Variants in MFRP observed in about 807,000 individuals in gnomAD.
MFRP encodes membrane frizzled-related protein.
Under a neutral mutation model 65.8 loss-of-function variants are expected in MFRP, and 74 were observed. That is an observed-to-expected ratio of 1.12 (90% CI 0.93 to 1.36). The LOEUF (loss-of-function observed/expected upper bound fraction) is 1.36. Ranked by LOEUF, MFRP falls within the 40% of genes most tolerant of loss-of-function variation. The pLI, the probability that MFRP is intolerant of heterozygous loss-of-function variation, is 0.00. For synonymous variants in MFRP, 336 were observed against 288.3 expected, an observed-to-expected ratio of 1.17 and a Z score of -1.68; for missense variants, 838 against 736.0, an observed-to-expected ratio of 1.14 and a Z score of -1.60.
In MFRP at chr11:119,345,580, G is replaced by A; in HGVS notation, c.481C>T (p.Pro161Ser). The A allele has an allele frequency of 6.2e-7, 1 of 1,613,934 alleles. No homozygotes were observed. The highest frequency in any genetic ancestry group is 1.7e-5 in the Admixed American group (1 of 60,026). ...TGGGTGTTGGGGGGGTAAGGGTCTG[G>A]GTAGTTAGGGCTGCTGAAGAAGCCC... ...PRGFFSSPNY[P>S]DPYPPNTHCV... Residue 161 changes from proline (P) to serine (S), a missense_variant, in exon 5 of 15, where the codon CCA (proline) becomes TCA (serine). By Grantham distance (74) the Pro-to-Ser change is moderately conservative (BLOSUM62 -1). Transcript: ENST00000619721.
At position 119,344,722 on chromosome 11, in the gene MFRP, G is replaced by T. The variant is rs1349522961; in HGVS notation, c.808C>A (p.Leu270Ile). ...CAHDEFRCDQLICLLPDSVCD... is the reference protein window; with the variant it reads ...CAHDEFRCDQIICLLPDSVCD... ...ACTGAGTCAGGTAGCAGGCAGATGA[G>T]CTGGTCACAGCGGAACTCATCATGG... Residue 270 changes from leucine to isoleucine, a missense_variant, in exon 7 of 15, where the codon CTC becomes ATC. By Grantham distance (5) the Leu-to-Ile change is conservative (BLOSUM62 2). Coordinates refer to ENST00000619721, the MANE Select transcript of MFRP (RefSeq NM_031433.4). The T allele has an allele frequency of 1.2e-6, 2 of 1,614,038 alleles. No individual in the cohort carries two copies. The highest frequency in any genetic ancestry group is 1.7e-6 in the Non-Finnish European group (2 of 1,180,006).
Position 119,338,951 on chromosome 11 carries a change from T to G in MFRP, c.*2008A>C. On this transcript the variant is annotated 3_prime_UTR_variant, in exon 15 of 15. Transcript: ENST00000619721. The stretch of plus-strand genomic sequence containing the variant: ...AGGCTGGAGCCGGTAGGAGGGTTCT[T>G]AGGTTTATTGAGTGATCTCTGAGAA... 1 of 183,190 alleles carries G rather than the reference T, an allele frequency of 5.5e-6. No homozygotes were observed. Among genetic ancestry groups the G allele is most frequent in the Non-Finnish European group, 1.1e-5 (1 of 88,040 alleles). 11.3% of individuals were successfully genotyped at this position (183,190 alleles called of 1,614,324 possible).
rs557131772 is a variant in MFRP, at chr11:119,345,020, T to C, written c.642-16A>G. The C allele has an allele frequency of 1.6e-4, 251 of 1,598,472 alleles. No individual in the cohort carries two copies. The highest frequency in any genetic ancestry group is 6.6e-4 in the Middle Eastern group (4 of 6,032). On this transcript the variant is annotated splice_polypyrimidine_tract_variant and intron_variant, in intron 5 of 14. Transcript: ENST00000619721. ...TCCACAAACCCTGCAAGAAGCCAGGTTGGGGGTGAGGGAGGCTCCAAGAGC... is the reference window on the plus strand; with the variant it reads ...TCCACAAACCCTGCAAGAAGCCAGGCTGGGGGTGAGGGAGGCTCCAAGAGC...
chr11:119,339,349 G>C lies in MFRP; in HGVS notation c.*1610C>G. On this transcript the variant is annotated 3_prime_UTR_variant, in exon 15 of 15. Transcript: ENST00000619721. The surrounding 1 kb of genome is among the most constrained non-coding windows in gnomAD (Gnocchi z 5.4). ...GTGGGCACTAAGCAAAGACTGGGGA[G>C]CTGTGCCAGTCGGAGTACACCAGAA... 6.2e-7 allele frequency: 1 copy of C among 1,613,016 alleles called. No homozygotes were observed. Among genetic ancestry groups the C allele is most frequent in the Non-Finnish European group, 8.5e-7 (1 of 1,179,336 alleles).
At chr11:119,342,016 G>T in intron 11 of MFRP, 32 bp from the exon 12 acceptor site, 1 of 1,612,234 alleles carries the variant, frequency 6.2e-7, no homozygotes, top group East Asian at 2.2e-5. Context: ...CCACTGTGGG[G>T]ACTGCTCACT....
In MFRP at chr11:119,346,265, T is replaced by C. The variant is rs150062629; in HGVS notation, c.157+7A>G. 1.2e-4 allele frequency: 195 copies of C among 1,609,636 alleles called. 1 individual carries two copies. The African/African-American group carries it at 2.3e-3, about 19-fold the overall frequency. Reference sequence around the variant, plus strand: ...TCCTCCCCCAGGTCACCCCCTGGGATGGTTACCATGCCAGGGAGCTGGGAC... The same window carrying C: ...TCCTCCCCCAGGTCACCCCCTGGGACGGTTACCATGCCAGGGAGCTGGGAC... On this transcript the variant is annotated splice_region_variant and intron_variant, in intron 2 of 14. Transcript: ENST00000619721.
In MFRP at chr11:119,340,332, G is replaced by C. The variant is rs761587369; in HGVS notation, c.*962C>G. Reference sequence around the variant, plus strand: ...GCCCCGGGCAGAGGCTGGGGATCTTGTTGTCGTCCAGTGGGGGCGAGCCGG... The same window carrying C: ...GCCCCGGGCAGAGGCTGGGGATCTTCTTGTCGTCCAGTGGGGGCGAGCCGG... On this transcript the variant is annotated 3_prime_UTR_variant, in exon 14 of 15. Coordinates refer to ENST00000619721, the MANE Select transcript of MFRP (RefSeq NM_031433.4). 3.9e-6 allele frequency: 6 copies of C among 1,543,190 alleles called. No individual in the cohort carries two copies. Among genetic ancestry groups the C allele is most frequent in the Admixed American group, 2.0e-5 (1 of 50,728 alleles).
Position 119,339,852 on chromosome 11 carries a change from C to T in MFRP, c.*1111-4G>A, listed in dbSNP as rs376239020. 6.1e-6 allele frequency: 9 copies of T among 1,467,184 alleles called. No individual in the cohort carries two copies. Among genetic ancestry groups the T allele is most frequent in the Middle Eastern group, 2.4e-4 (1 of 4,196 alleles). 90.9% of individuals were successfully genotyped at this position (1,467,184 alleles called of 1,614,324 possible). On this transcript the variant is annotated splice_region_variant and splice_polypyrimidine_tract_variant and intron_variant, in intron 14 of 14. Transcript: ENST00000619721. The surrounding 1 kb of genome is among the most constrained non-coding windows in gnomAD (Gnocchi z 5.4). ...TCCCCTCGAGGTCCCGGCAGTCCTG[C>T]GGGGTAAGCGGGGCGGCAGGGTGAG...
At chr11:119,344,524 C>T (rs1253665032) in intron 7 of MFRP, 108 bp downstream of exon 7, 35 of 1,594,070 alleles carry the variant, frequency 2.2e-5, no homozygotes, top group Non-Finnish European at 2.5e-5. Context: ...AATGACTGAG[C>T]AGGAAATGCT....
At position 119,343,953 on chromosome 11, in the gene MFRP, C is replaced by T. The variant is rs1166512859; in HGVS notation, c.987G>A (p.Trp329Ter). 2.5e-6 allele frequency: 4 copies of T among 1,612,886 alleles called. No individual in the cohort carries two copies. The highest frequency in any genetic ancestry group is 1.3e-5 in the African/African-American group (1 of 74,926). Residue 329 changes from tryptophan (W) to a stop codon, truncating the protein, a stop_gained, in exon 9 of 15, where the codon TGG (tryptophan) becomes TGA (stop). Transcript: ENST00000619721. LOFTEE classifies it high-confidence loss of function. ...QQYPHQLLCT[W>*]HISVPAGHSI... ...TGTGTCCGGCAGGCACCGAGATATGCCAGGTGCAGAGCTGGGGGAGGGCAT... is the reference window on the plus strand; with the variant it reads ...TGTGTCCGGCAGGCACCGAGATATGTCAGGTGCAGAGCTGGGGGAGGGCAT...
At chr11:119,343,997 C>A in intron 8 of MFRP, 33 bp from the exon 9 acceptor site, 2 of 1,609,136 alleles carry the variant, frequency 1.2e-6, no homozygotes, top group Non-Finnish European at 8.5e-7. Flanking sequence ...CAATTCATGG[C>A]CCCTTCTCCT....
intron 2 of MFRP, 35 bp downstream of exon 2, chr11:119,346,237 C>A: frequency 6.3e-7 from 1 of 1,579,100 alleles, no homozygotes; most frequent in African/African-American, 1.3e-5. Context: ...CTGGGCCTCT[C>A]TGTCCTCCCC....
rs983476354 is a variant in MFRP, at chr11:119,344,562, C to T, written c.898+70G>A. The stretch of plus-strand genomic sequence containing the variant: ...CGGAGGGCCCGGTTTGAGGCTGGAC[C>T]AGAGCTGGGGAGCCCAGCTTGAACC... On this transcript the variant is annotated intron_variant, in intron 7 of 14. Transcript: ENST00000619721. 6.2e-6 allele frequency: 10 copies of T among 1,610,458 alleles called. No homozygotes were observed. In the African/African-American group the frequency reaches 1.3e-4, roughly 22 times the overall value.
chr11:119,342,132 TACAC>T, intron 11 of MFRP, 148 bp from the exon 12 acceptor site: 2 of 960,932 alleles, frequency 2.1e-6, no homozygotes, highest in Admixed American at 4.3e-5. Context: ...AGACAGGCTG[TACAC>T]ACTCTGAGGA....
Position 119,343,969 on chromosome 11 carries a change from G to C in MFRP, c.976-5C>G. ...CGAGATATGCCAGGTGCAGAGCTGG[G>C]GGAGGGCATAGGTGGAGCAATTCAT... On this transcript the variant is annotated splice_polypyrimidine_tract_variant and splice_region_variant and intron_variant, in intron 8 of 14. Coordinates refer to ENST00000619721, the MANE Select transcript of MFRP (RefSeq NM_031433.4). 6.2e-7 allele frequency: 1 copy of C among 1,612,138 alleles called. No individual in the cohort carries two copies. The highest frequency in any genetic ancestry group is 8.5e-7 in the Non-Finnish European group (1 of 1,179,942).
At chr11:119,345,708 C>G in intron 4 of MFRP, 65 bp downstream of exon 4, 1 of 1,612,518 alleles carries the variant, frequency 6.2e-7, no homozygotes, top group Non-Finnish European at 8.5e-7. Flanking sequence ...TCTTCCTCAC[C>G]CTCCCCTCAA....
intron 5 of MFRP, 91 bp from the exon 6 acceptor site, chr11:119,345,095 A>C: frequency 2.2e-4 from 323 of 1,498,756 alleles, no homozygotes; most frequent in Non-Finnish European, 2.7e-4. Context: ...CTATTTTCTC[A>C]ACCCCCAAAC....
rs531117377 is a variant in MFRP, at chr11:119,341,314, G to T, written c.*234C>A. On this transcript the variant is annotated 3_prime_UTR_variant, in exon 13 of 15. Transcript: ENST00000619721. ...GGATGGGAAGTGGTCTCGATTGTCC[G>T]GTGGCACAGTGTGGGGCCAGTCAGC... is the stretch of plus-strand genomic sequence containing the variant. The T allele has an allele frequency of 4.4e-4, 253 of 576,168 alleles. 2 individuals are homozygous for T. The South Asian group carries it at 5.2e-3, about 12-fold the overall frequency. 35.7% of individuals were successfully genotyped at this position (576,168 alleles called of 1,614,324 possible).
In MFRP at chr11:119,342,733, G is replaced by C. The variant is rs747235836; in HGVS notation, c.1256-6C>G. On this transcript the variant is annotated splice_polypyrimidine_tract_variant and splice_region_variant and intron_variant, in intron 10 of 14. Coordinates refer to ENST00000619721, the MANE Select transcript of MFRP (RefSeq NM_031433.4). ...CTCACTGGGCCCACAGGGGTCTGCA[G>C]GCACAAGGGGCATGGCAGTGCCCGG... 2 of 1,613,574 alleles carry C rather than the reference G, an allele frequency of 1.2e-6. No homozygotes were observed. The highest frequency in any genetic ancestry group is 2.2e-5 in the South Asian group (2 of 91,084).
Sources: allele counts gnomAD v4.1 joint callset, GRCh38; gene constraint gnomAD v4.1.1; non-coding constraint Gnocchi (gnomAD v3.1); transcripts MANE v1.5; gene names NCBI Gene and HGNC (gene_info 2026-07-23, HGNC 2026-07-21).